SEMA5B: variants seen among roughly 807,000 people sequenced by gnomAD.
SEMA5B encodes semaphorin-5B.
In SEMA5B, 66 loss-of-function variants were observed where a neutral mutation model predicts 135.0. The observed-to-expected ratio is 0.49, with a 90% CI of 0.40 to 0.60. The LOEUF (loss-of-function observed/expected upper bound fraction) is 0.60, where lower values mean the gene tolerates loss of function less well. Among genes scored for constraint, SEMA5B ranks in the 20% least tolerant of loss-of-function variants. The pLI is 0.00. For missense variants in SEMA5B, 1,501 were observed against 1,566.3 expected, an observed-to-expected ratio of 0.96 and a Z score of 0.70; for synonymous variants, 690 against 639.5, an observed-to-expected ratio of 1.08 and a Z score of -1.19.
At chr3:122,999,531 A>AG (rs201834554) in intron 1 of SEMA5B, among the ~76,000 whole-genome samples, 9,553 of 150,716 alleles carry the variant, frequency 0.063, 355 homozygotes, top group East Asian at 0.16. Flanking sequence ...GGCCTTAAGT[A>AG]GATTTTTTTT....
intron 1 of SEMA5B, chr3:122,976,218 C>G (rs922484918): frequency 2.1e-6 from 3 of 1,434,234 alleles, no homozygotes; most frequent in East Asian, 5.0e-5. Flanking sequence ...CCAGCAGCAT[C>G]TGCACCTCCT....
Position 122,915,575 on chromosome 3 carries a change from C to A in SEMA5B, c.1853G>T (p.Trp618Leu), listed in dbSNP as rs1395820465. 1.2e-6 allele frequency: 2 copies of A among 1,614,012 alleles called. No individual in the cohort carries two copies. Among genetic ancestry groups the A allele is most frequent in the Non-Finnish European group, 1.7e-6 (2 of 1,179,932 alleles). ...RDGGFGPWSP[W>L]QPCEHLDGDN... Reference sequence around the variant, plus strand: ...CCCATCCAAGTGCTCACATGGTTGCCATGGTGACCATGGGCCGAAGCCCCC... The same window carrying A: ...CCCATCCAAGTGCTCACATGGTTGCAATGGTGACCATGGGCCGAAGCCCCC... Residue 618 changes from tryptophan to leucine, a missense_variant, in exon 14 of 23, where the codon TGG (tryptophan) becomes TTG (leucine). This residue lies in a region of SEMA5B where 927 missense variants were observed against 881.6 expected (regional missense o/e 1.05). Coordinates refer to ENST00000357599, the MANE Select transcript of SEMA5B (RefSeq NM_001031702.4).
intron 1 of SEMA5B, among the ~76,000 whole-genome samples, chr3:122,986,006 G>A (rs139550456): frequency 1.3e-3 from 192 of 152,174 alleles, no homozygotes; most frequent in African/African-American, 4.2e-3. Context: ...CAAAGAATGG[G>A]GCTGATTAGA....
chr3:122,929,218 C>T (rs1388776045), intron 5 of SEMA5B, among the ~76,000 whole-genome samples, 160 bp from the exon 6 acceptor site: 4 of 152,226 alleles, frequency 2.6e-5, no homozygotes, highest in South Asian at 2.1e-4. Flanking sequence ...TCCACATGGA[C>T]GTGGGAGGGC....
Position 122,932,982 on chromosome 3 carries a change from A to G in SEMA5B, c.475-3924T>C, listed in dbSNP as rs117656966. Among the ~76,000 whole-genome samples the G allele has an allele frequency of 2.7e-3, 409 of 152,188 alleles. 2 individuals carry two copies. Among genetic ancestry groups the G allele is most frequent in the South Asian group, 9.3e-3 (45 of 4,816 alleles). Reference sequence around the variant, plus strand: ...TCATCTGCTCCCCTCGGCCTCCCAAAGTGCTGGGATTCTAGGTGTAAGCCA... The same window carrying G: ...TCATCTGCTCCCCTCGGCCTCCCAAGGTGCTGGGATTCTAGGTGTAAGCCA... On this transcript the variant is annotated intron_variant, in intron 5 of 22. Coordinates refer to ENST00000357599, the MANE Select transcript of SEMA5B (RefSeq NM_001031702.4).
At chr3:122,923,834 GT>G (rs1387353306) in intron 9 of SEMA5B, 82 bp from the exon 10 acceptor site, 1 of 1,505,972 alleles carries the variant, frequency 6.6e-7, no homozygotes, top group Admixed American at 1.7e-5. Flanking sequence ...CAGCTGTCAT[GT>G]CCAATTCCCA....
At chr3:122,956,561 G>A (rs1367573682) in intron 2 of SEMA5B, among the ~76,000 whole-genome samples, 1 of 152,180 alleles carries the variant, frequency 6.6e-6, no homozygotes, top group African/African-American at 2.4e-5. Context: ...CTCTGCTCAG[G>A]GGCGAAGGAT....
At chr3:122,923,915 C>T (rs1406569483) in intron 9 of SEMA5B, among the ~76,000 whole-genome samples, 163 bp from the exon 10 acceptor site, 2 of 152,112 alleles carry the variant, frequency 1.3e-5, no homozygotes, top group Admixed American at 6.5e-5. Flanking sequence ...GTGGTCCTCA[C>T]ATTCTGTAAA....
intron 5 of SEMA5B, among the ~76,000 whole-genome samples, chr3:122,933,893 G>T (rs1939110824): frequency 6.6e-6 from 1 of 151,312 alleles, no homozygotes; most frequent in African/African-American, 2.4e-5. Flanking sequence ...ATACTAATTG[G>T]TTGTTTATCA....
chr3:122,978,823 G>T (rs976354982), intron 1 of SEMA5B, among the ~76,000 whole-genome samples: 1 of 152,176 alleles, frequency 6.6e-6, no homozygotes, highest in African/African-American at 2.4e-5. Context: ...AACAAGAGGA[G>T]AGGAGGCTAG....
intron 8 of SEMA5B, 47 bp from the exon 9 acceptor site, chr3:122,926,724 A>G (rs777174008): frequency 1.3e-6 from 2 of 1,589,798 alleles, no homozygotes; most frequent in Admixed American, 1.7e-5. Flanking sequence ...CCAGCGGGGA[A>G]GAAGATGGCA....
rs540322748 is a variant in SEMA5B at position 123,008,083 on chromosome 3, C to T, written c.-39+19381G>A. Among the ~76,000 whole-genome samples, 73 of 152,310 alleles carry T rather than the reference C, an allele frequency of 4.8e-4. No individual in the cohort carries two copies. In the Middle Eastern group the frequency reaches 0.01, roughly 21 times the overall value. On this transcript the variant is annotated intron_variant, in intron 1 of 22. Coordinates refer to ENST00000357599, the MANE Select transcript of SEMA5B (RefSeq NM_001031702.4). ...ACTTGAAGAACGGGGTTTGCATGAT[C>T]GGCAAAGGCACGCAGAAATAAGTCT... is the stretch of plus-strand genomic sequence containing the variant.
intron 2 of SEMA5B, among the ~76,000 whole-genome samples, chr3:122,952,191 ACTC>A (rs763969832): frequency 3.3e-5 from 5 of 151,616 alleles, no homozygotes; most frequent in Non-Finnish European, 7.4e-5. Flanking sequence ...ATCCAAACCT[ACTC>A]CCTTGAATGA....
intron 2 of SEMA5B, among the ~76,000 whole-genome samples, chr3:122,952,091 A>T (rs1940075597): frequency 6.6e-6 from 1 of 152,060 alleles, no homozygotes; most frequent in South Asian, 2.1e-4. Context: ...TGATCCCCTT[A>T]TCCTCAGGCT....
intron 9 of SEMA5B, 127 bp from the exon 10 acceptor site, chr3:122,923,879 A>G (rs1308506415): frequency 1.9e-6 from 2 of 1,070,106 alleles, no homozygotes; most frequent in Non-Finnish European, 2.8e-6. Flanking sequence ...TGTCTGGCAC[A>G]TGGGGGGATC....
chr3:122,968,019 C>T (rs1940949299), intron 1 of SEMA5B, among the ~76,000 whole-genome samples: 1 of 152,260 alleles, frequency 6.6e-6, no homozygotes, highest in Non-Finnish European at 1.5e-5. Context: ...GTGTTCCACG[C>T]TCTCCTGACC....
rs199769745 is a variant in SEMA5B, at chr3:122,935,090, TA to T, written c.474+4334del. Reference sequence around the variant, plus strand: ...TTTGTGTGTGTATGAAATTACGTGATAAAAAAAAGCATCTTTGTTTGTTTGC... The same window carrying T: ...TTTGTGTGTGTATGAAATTACGTGATAAAAAAAGCATCTTTGTTTGTTTGC... On this transcript the variant is annotated intron_variant, in intron 5 of 22. Transcript: ENST00000357599. Among the ~76,000 whole-genome samples, 449 of 152,000 alleles carry T rather than the reference TA, an allele frequency of 3.0e-3. 1 individual carries two copies. The highest frequency in any genetic ancestry group is 0.01 in the African/African-American group (423 of 41,436).
At chr3:122,965,615 C>T (rs530523591) in intron 1 of SEMA5B, among the ~76,000 whole-genome samples, 111 of 152,322 alleles carry the variant, frequency 7.3e-4, no homozygotes, top group East Asian at 2.3e-3. Flanking sequence ...CTGCCACTTC[C>T]GAAACCTCTT....
intron 3 of SEMA5B, among the ~76,000 whole-genome samples, chr3:122,944,687 C>T (rs1462414605): frequency 1.6e-5 from 2 of 126,336 alleles, no homozygotes; most frequent in Non-Finnish European, 3.5e-5. Flanking sequence ...GGAGACCTCA[C>T]GGCCTCTGGG....
Sources: gnomAD v4.1 joint callset for allele counts (sites outside exome capture counted in the v4.1 genomes callset) on GRCh38, gnomAD v4.1.1 for gene constraint, gnomAD v4.1.1 regional missense constraint, MANE v1.5 for transcripts, NCBI Gene and HGNC (gene_info 2026-07-23, HGNC 2026-07-21) for gene names.